Variants in DMRT1 observed in about 807,000 individuals in gnomAD.
DMRT1 encodes doublesex and mab-3 related transcription factor 1.
Under a neutral mutation model 32.3 loss-of-function variants are expected in DMRT1, and 7 were observed. The ratio of observed to expected loss-of-function variants is 0.22; its 90% confidence interval spans 0.12 to 0.41. The LOEUF (loss-of-function observed/expected upper bound fraction) is 0.41. Ranked by LOEUF, DMRT1 falls within the 10% of genes least tolerant of loss-of-function variation. The pLI is 1.00. For missense variants in DMRT1, 625 were observed against 500.5 expected, an observed-to-expected ratio of 1.25 and a Z score of -2.37; for synonymous variants, 278 against 206.1, an observed-to-expected ratio of 1.35 and a Z score of -2.99.
intron 2 of DMRT1, among the ~76,000 whole-genome samples, chr9:863,590 A>G (rs1401026985): frequency 6.6e-6 from 1 of 152,122 alleles, no homozygotes; most frequent in Non-Finnish European, 1.5e-5. Context: ...CATCTAACTG[A>G]TTGAGCAAAG....
At chr9:869,303 A>C (rs7863940) in intron 2 of DMRT1, among the ~76,000 whole-genome samples, 113,992 of 152,074 alleles carry the variant, frequency 0.75, 42,803 homozygotes, top group Middle Eastern at 0.78. Flanking sequence ...GCATAGAAAT[A>C]AAAATGTGGC....
At position 875,370 on chromosome 9, in the gene DMRT1, C is replaced by T. The variant is rs182909275; in HGVS notation, c.539-18542C>T. ...GGGCTCCCAGACCTGGGCCCGACAG[C>T]TTTAGAGTCTTTGTCCTTCCCTGAC... On this transcript the variant is annotated intron_variant, in intron 2 of 4. Coordinates refer to ENST00000382276, the MANE Select transcript of DMRT1 (RefSeq NM_021951.3). Among the ~76,000 whole-genome samples the T allele has an allele frequency of 3.5e-3, 528 of 152,204 alleles. 4 individuals are homozygous for T. Among genetic ancestry groups the T allele is most frequent in the African/African-American group, 0.012 (501 of 41,532 alleles).
In DMRT1 at chr9:918,466, G is replaced by C. The variant is rs141671238; in HGVS notation, c.967+1559G>C. Among the ~76,000 whole-genome samples, 23 of 152,268 alleles carry C rather than the reference G, an allele frequency of 1.5e-4. No homozygotes were observed. In the East Asian group the frequency reaches 3.7e-3, roughly 24 times the overall value. ...GGAGCGAATTTGGAGAGGAGCGGTA[G>C]GCATTTGAATTTATGGCAGAAAAGG... is the stretch of plus-strand genomic sequence containing the variant. On this transcript the variant is annotated intron_variant, in intron 4 of 4. Transcript: ENST00000382276.
chr9:929,365 C>G (rs911082485), intron 4 of DMRT1, among the ~76,000 whole-genome samples: 17 of 152,100 alleles, frequency 1.1e-4, no homozygotes, highest in African/African-American at 3.6e-4. Flanking sequence ...CTCCTAGGCT[C>G]AAGTGTTCCT....
rs1259957450 is a variant in DMRT1 at position 965,608 on chromosome 9, C to A, written c.968-2377C>A. ...GAGGAGAGGGCATCTCCCGGGGCAT[C>A]TCCCAGTCAGCTGCTAACTGGAAAC... is the stretch of plus-strand genomic sequence containing the variant. On this transcript the variant is annotated intron_variant, in intron 4 of 4. Transcript: ENST00000382276. The surrounding 1 kb of genome is among the most constrained non-coding windows in gnomAD (Gnocchi z 4.5). 6.6e-6 allele frequency among the ~76,000 whole-genome samples: 1 copy of A among 152,228 alleles called. No individual in the cohort carries two copies. Among genetic ancestry groups the A allele is most frequent in the Non-Finnish European group, 1.5e-5 (1 of 68,044 alleles).
At chr9:871,543 G>A (rs1181495065) in intron 2 of DMRT1, among the ~76,000 whole-genome samples, 5 of 132,852 alleles carry the variant, frequency 3.8e-5, no homozygotes, top group Admixed American at 1.6e-4. Flanking sequence ...GGGTTTCACC[G>A]TGTTAGCCAG....
intron 3 of DMRT1, among the ~76,000 whole-genome samples, 182 bp from the exon 4 acceptor site, chr9:916,581 T>G (rs572060068): frequency 7.8e-4 from 118 of 152,162 alleles, no homozygotes; most frequent in Non-Finnish European, 1.6e-3. Flanking sequence ...TGTGTTGCCC[T>G]GGCTGGTCTT....
At chr9:927,582 G>A (rs1232915654) in intron 4 of DMRT1, among the ~76,000 whole-genome samples, 2 of 152,158 alleles carry the variant, frequency 1.3e-5, no homozygotes, top group Non-Finnish European at 2.9e-5. Context: ...TTTGTTTTCT[G>A]AACACTGAAA....
At chr9:904,189 A>G (rs1261367098) in intron 3 of DMRT1, among the ~76,000 whole-genome samples, 1 of 152,230 alleles carries the variant, frequency 6.6e-6, no homozygotes, top group African/African-American at 2.4e-5. Context: ...ATTAGATCAC[A>G]GTTTTTGAAA....
intron 3 of DMRT1, among the ~76,000 whole-genome samples, chr9:907,569 C>T (rs753425004): frequency 3.9e-5 from 6 of 152,176 alleles, no homozygotes; most frequent in Non-Finnish European, 8.8e-5. Context: ...CTGTTTACCT[C>T]CTTTTAGAGG....
At chr9:860,378 T>A (rs1815604085) in intron 2 of DMRT1, among the ~76,000 whole-genome samples, 1 of 147,388 alleles carries the variant, frequency 6.8e-6, no homozygotes, top group South Asian at 2.2e-4. Context: ...ATTTATCAAA[T>A]GGCAATAAAT....
intron 2 of DMRT1, among the ~76,000 whole-genome samples, chr9:878,131 G>T (rs142376397): frequency 4.5e-4 from 68 of 151,808 alleles, no homozygotes; most frequent in African/African-American, 1.4e-3. Context: ...AGCCTTGCCT[G>T]GAATGAACAT....
chr9:952,481 G>A (rs1460279102), intron 4 of DMRT1, among the ~76,000 whole-genome samples: 1 of 152,204 alleles, frequency 6.6e-6, no homozygotes, highest in Non-Finnish European at 1.5e-5. Flanking sequence ...TGTGCAATTG[G>A]ACTAACATTT....
intron 2 of DMRT1, among the ~76,000 whole-genome samples, chr9:879,532 C>T (rs551244012): frequency 2.0e-5 from 3 of 152,214 alleles, no homozygotes; most frequent in South Asian, 2.1e-4. Context: ...TTCAGCTTCA[C>T]GTAGATAGTT....
Position 841,787 on chromosome 9 carries a change from G to C in DMRT1, c.-52G>C, listed in dbSNP as rs1047586806. On this transcript the variant is annotated 5_prime_UTR_variant, in exon 1 of 5. Coordinates refer to ENST00000382276, the MANE Select transcript of DMRT1 (RefSeq NM_021951.3). ...TCCGTCGGGTTCATCCCTCGCAGCA[G>C]TCTCCAGGCGAGAGAGGGGGCCAGA... The C allele has an allele frequency of 2.6e-6, 4 of 1,566,964 alleles. No individual in the cohort carries two copies. Among genetic ancestry groups the C allele is most frequent in the African/African-American group, 2.7e-5 (2 of 73,816 alleles).
In DMRT1 at chr9:854,389, T is replaced by C. The variant is rs565600300; in HGVS notation, c.538+7246T>C. 4.1e-4 allele frequency among the ~76,000 whole-genome samples: 62 copies of C among 152,208 alleles called. No individual in the cohort carries two copies. The East Asian group carries it at 9.7e-3, about 24-fold the overall frequency. Reference sequence around the variant, plus strand: ...AACCTCCACTTTCCAGATCAAGTGATTCTCGTGCCTCAGCCTCCTGAGTAG... The same window carrying C: ...AACCTCCACTTTCCAGATCAAGTGACTCTCGTGCCTCAGCCTCCTGAGTAG... On this transcript the variant is annotated intron_variant, in intron 2 of 4. Transcript: ENST00000382276.
At chr9:865,732 T>A (rs907754670) in intron 2 of DMRT1, among the ~76,000 whole-genome samples, 4 of 152,208 alleles carry the variant, frequency 2.6e-5, no homozygotes, top group Non-Finnish European at 4.4e-5. Flanking sequence ...AGACACATCT[T>A]AATGCTCAAA....
chr9:856,446 G>A (rs1021754030), intron 2 of DMRT1, among the ~76,000 whole-genome samples: 1 of 152,164 alleles, frequency 6.6e-6, no homozygotes, highest in Non-Finnish European at 1.5e-5. Context: ...TGTCTCTACA[G>A]AGGTGTCTAT....
At chr9:960,131 T>C (rs1483247797) in intron 4 of DMRT1, among the ~76,000 whole-genome samples, 1 of 152,222 alleles carries the variant, frequency 6.6e-6, no homozygotes, top group East Asian at 1.9e-4. Flanking sequence ...GGCTTGCCTG[T>C]TGGCCCAGCC....
Sources: allele counts gnomAD v4.1 joint callset (sites outside exome capture counted in the v4.1 genomes callset), GRCh38; gene constraint gnomAD v4.1.1; non-coding constraint Gnocchi (gnomAD v3.1); transcripts MANE v1.5; gene names NCBI Gene and HGNC (gene_info 2026-07-23, HGNC 2026-07-21).